The following GALNT13 variants were observed in gnomAD, a reference collection of about 807,000 sequenced individuals.
GALNT13 encodes the protein UDP-GalNAc:polypeptide N-acetylgalactosaminyltransferase 13.
GALNT13 carries 28 observed loss-of-function variants against 64.2 expected under a neutral mutation model. The observed-to-expected ratio is 0.44, with a 90% CI of 0.32 to 0.60. GALNT13 has a LOEUF of 0.60. Among genes scored for constraint, GALNT13 ranks in the 20% least tolerant of loss-of-function variants. GALNT13 has a pLI of 0.05. For synonymous variants in GALNT13, 214 were observed against 224.6 expected (o/e 0.95, Z 0.42); for missense variants, 577 against 669.8 (o/e 0.86, Z 1.53).
At chr2:153,904,907 T>C (rs948870643) in intron 2 of GALNT13, among the ~76,000 whole-genome samples, 13 of 151,918 alleles carry the variant, frequency 8.6e-5, no homozygotes, top group African/African-American at 3.1e-4. Context: ...TGGACAATTC[T>C]CTCCTTCGCC....
At chr2:153,856,596 G>A in the GALNT13 span, among the ~76,000 whole-genome samples, 1 of 152,096 alleles carries the variant, frequency 6.6e-6, no homozygotes, top group Admixed American at 6.6e-5. Context: ...CGAACTGAAT[G>A]CATAAAATCT....
At chr2:154,092,266 T>C (rs550272099) in intron 3 of GALNT13, among the ~76,000 whole-genome samples, 3 of 152,058 alleles carry the variant, frequency 2.0e-5, no homozygotes, top group African/African-American at 7.2e-5. Flanking sequence ...TGGTAGGAAT[T>C]GCTGTACGTT....
At chr2:153,187,709 C>A in the GALNT13 span, 1 of 152,124 alleles carries the variant, frequency 6.6e-6, no homozygotes, top group Non-Finnish European at 1.5e-5. Flanking sequence ...ACTATGCAAT[C>A]ACTAACTGAA....
the GALNT13 span, among the ~76,000 whole-genome samples, chr2:153,617,771 G>A: frequency 8.8e-4 from 134 of 151,812 alleles, no homozygotes; most frequent in Admixed American, 1.8e-3. Context: ...TTTCTTCATA[G>A]TTCAATCTTG....
chr2:153,480,780 G>A, the GALNT13 span, among the ~76,000 whole-genome samples: 3 of 152,142 alleles, frequency 2.0e-5, no homozygotes, highest in African/African-American at 7.2e-5. Flanking sequence ...CCACCTCCAG[G>A]GATCAAGTTG....
intron 4 of GALNT13, among the ~76,000 whole-genome samples, chr2:154,224,807 T>C (rs989141960): frequency 1.3e-5 from 2 of 152,082 alleles, no homozygotes; most frequent in Non-Finnish European, 2.9e-5. Flanking sequence ...TTATCTAAAT[T>C]CCTCTTAACC....
chr2:154,328,886 C>A (rs1049918535), intron 9 of GALNT13, among the ~76,000 whole-genome samples: 1 of 152,120 alleles, frequency 6.6e-6, no homozygotes, highest in Non-Finnish European at 1.5e-5. Context: ...AATTGATGTG[C>A]TTCTGTGCAG....
chr2:153,814,024 G>A, the GALNT13 span, among the ~76,000 whole-genome samples: 1 of 152,280 alleles, frequency 6.6e-6, no homozygotes, highest in African/African-American at 2.4e-5. Context: ...TTCAGCATGG[G>A]AATCTGTAAC....
At chr2:153,777,039 T>C in the GALNT13 span, among the ~76,000 whole-genome samples, 1 of 152,194 alleles carries the variant, frequency 6.6e-6, no homozygotes, top group African/African-American at 2.4e-5. Context: ...GTTTTTTGTT[T>C]GTTTGTTTGT....
chr2:153,692,974 C>G, the GALNT13 span, among the ~76,000 whole-genome samples: 1 of 152,084 alleles, frequency 6.6e-6, no homozygotes, highest in Non-Finnish European at 1.5e-5. Flanking sequence ...CAATATTTCA[C>G]ATTGTTCTCC....
At chr2:153,597,943 A>T in the GALNT13 span, among the ~76,000 whole-genome samples, 15 of 152,134 alleles carry the variant, frequency 9.9e-5, no homozygotes, top group Admixed American at 9.2e-4. Context: ...AAGCATTGGC[A>T]AGGCTGTGGA....
At chr2:153,593,990 T>G in the GALNT13 span, among the ~76,000 whole-genome samples, 1 of 152,192 alleles carries the variant, frequency 6.6e-6, no homozygotes, top group African/African-American at 2.4e-5. Flanking sequence ...ATTGACAATA[T>G]GCATCATAGA....
chr2:154,108,004 T>C (rs1364549104), intron 3 of GALNT13, among the ~76,000 whole-genome samples: 1 of 152,182 alleles, frequency 6.6e-6, no homozygotes, highest in African/African-American at 2.4e-5. Context: ...ATTTGTGTGT[T>C]GTTGTACACT....
chr2:153,346,662 C>T, the GALNT13 span, among the ~76,000 whole-genome samples: 2 of 152,088 alleles, frequency 1.3e-5, no homozygotes, highest in Admixed American at 1.3e-4. Flanking sequence ...TCCTGAGATA[C>T]ACTAAATTAC....
At chr2:154,267,132 T>C (rs987000641) in intron 8 of GALNT13, among the ~76,000 whole-genome samples, 1 of 152,028 alleles carries the variant, frequency 6.6e-6, no homozygotes, top group African/African-American at 2.4e-5. Flanking sequence ...TTAGAACAAC[T>C]GAATGTCTAT....
At chr2:154,382,719 A>T (rs571276347) in intron 9 of GALNT13, among the ~76,000 whole-genome samples, 1 of 151,946 alleles carries the variant, frequency 6.6e-6, no homozygotes, top group South Asian at 2.1e-4. Context: ...AAATTGGTTG[A>T]CAGTTGAGGC....
At chr2:153,210,866 G>T in the GALNT13 span, among the ~76,000 whole-genome samples, 1 of 152,062 alleles carries the variant, frequency 6.6e-6, no homozygotes, top group African/African-American at 2.4e-5. Context: ...AAAACACTCA[G>T]CCTGGCCTTT....
the GALNT13 span, among the ~76,000 whole-genome samples, chr2:153,235,465 T>C: frequency 6.6e-6 from 1 of 152,146 alleles, no homozygotes; most frequent in Admixed American, 6.5e-5. Context: ...GTGCTGCTAT[T>C]AAGCATATTC....
chr2:154,292,974 G>A (rs1390798008), intron 8 of GALNT13, among the ~76,000 whole-genome samples: 1 of 152,146 alleles, frequency 6.6e-6, no homozygotes, highest in Non-Finnish European at 1.5e-5. Context: ...ATAATCAAAT[G>A]AGCAATGGGC....
Sources: gnomAD v4.1 joint callset for allele counts (sites outside exome capture counted in the v4.1 genomes callset) on GRCh38, gnomAD v4.1.1 for gene constraint, MANE v1.5 for transcripts, NCBI Gene and HGNC (gene_info 2026-07-23, HGNC 2026-07-21) for gene names.